MYRFL: variants seen among roughly 807,000 people sequenced by gnomAD.
MYRFL encodes myelin regulatory factor like.
A neutral mutation model predicts 109.4 loss-of-function variants in MYRFL; 88 were observed. The ratio of observed to expected loss-of-function variants is 0.80; its 90% CI spans 0.68 to 0.96. The LOEUF is 0.96. MYRFL is among the 40% of genes least tolerant of loss of function. The pLI, the probability that MYRFL is intolerant of heterozygous loss-of-function variation, is 0.00. For missense variants in MYRFL, 957 were observed against 954.9 expected (o/e 1.00, Z -0.03); for synonymous variants, 324 against 320.9 (o/e 1.01, Z -0.10).
chr12:69,958,225 G>A, intron 23 of MYRFL, 24 bp from the exon 24 acceptor site: 1 of 1,515,304 alleles, frequency 6.6e-7, no homozygotes, highest in Non-Finnish European at 8.8e-7. Context: ...GTACGAAATG[G>A]ATCCTCTTTT....
intron 13 of MYRFL, among the ~76,000 whole-genome samples, chr12:69,913,574 C>T (rs963487777): frequency 1.3e-5 from 2 of 152,118 alleles, no homozygotes; most frequent in African/African-American, 4.8e-5. Flanking sequence ...ATTGAATGGT[C>T]TTGGCATCCT....
rs71098067 is a variant in MYRFL at position 69,936,078 on chromosome 12, G to GTTTTT, written c.1917-10_1917-6dup. 260 of 893,922 alleles carry GTTTTT rather than the reference G, an allele frequency of 2.9e-4. 20 individuals carry two copies. Among genetic ancestry groups the GTTTTT allele is most frequent in the East Asian group, 1.1e-3 (19 of 16,620 alleles). 55.4% of individuals were successfully genotyped at this position (893,922 alleles called of 1,614,324 possible). Reference sequence around the variant, plus strand: ...TCTGGAAACAAATCTGCCACATAATGTTTTTTTTTTTTTTTTTTTTTTTTT... The same window carrying GTTTTT: ...TCTGGAAACAAATCTGCCACATAATGTTTTTTTTTTTTTTTTTTTTTTTTTTTTTT... On this transcript the variant is annotated intron_variant, in intron 16 of 24. Coordinates refer to ENST00000552032, the MANE Select transcript of MYRFL (RefSeq NM_182530.3).
At chr12:69,853,930 C>G (rs967125321) in intron 1 of MYRFL, among the ~76,000 whole-genome samples, 10 of 152,154 alleles carry the variant, frequency 6.6e-5, no homozygotes, top group African/African-American at 1.9e-4. Flanking sequence ...ATGCTCCTCA[C>G]TTCCCAGACG....
At chr12:69,838,603 G>T (rs1413595062) in intron 1 of MYRFL, among the ~76,000 whole-genome samples, 1 of 151,966 alleles carries the variant, frequency 6.6e-6, no homozygotes, top group Admixed American at 6.6e-5. Flanking sequence ...ATTTCTTTTT[G>T]GTTGTTTTAT....
Position 69,871,899 on chromosome 12 carries a change from T to G in MYRFL, c.138-7129T>G, listed in dbSNP as rs111893159. Among the ~76,000 whole-genome samples the G allele has an allele frequency of 9.1e-3, 1,379 of 152,330 alleles. 22 individuals are homozygous for G. The highest frequency in any genetic ancestry group is 0.031 in the South Asian group (149 of 4,824). ...TCAATTCTTTTCCTCGTCAATAAACTCCTCAATCCATGTATGTCTTTAGTG... is the reference window on the plus strand; with the variant it reads ...TCAATTCTTTTCCTCGTCAATAAACGCCTCAATCCATGTATGTCTTTAGTG... On this transcript the variant is annotated intron_variant, in intron 2 of 24. Transcript: ENST00000552032.
At chr12:69,903,605 C>T in intron 10 of MYRFL, 39 bp from the exon 11 acceptor site, 1 of 1,524,826 alleles carries the variant, frequency 6.6e-7, no homozygotes, top group South Asian at 1.2e-5. Context: ...ATTCCTGCTA[C>T]TGTTACTTTA....
intron 10 of MYRFL, among the ~76,000 whole-genome samples, chr12:69,901,828 A>T (rs1341463442): frequency 6.6e-6 from 1 of 151,588 alleles, no homozygotes. Context: ...TTTTTACTTT[A>T]TACTCTTCCC....
intron 10 of MYRFL, among the ~76,000 whole-genome samples, chr12:69,903,356 A>G (rs1217519099): frequency 1.3e-5 from 2 of 152,158 alleles, no homozygotes; most frequent in Non-Finnish European, 2.9e-5. Context: ...TCATCCACCT[A>G]GTATAACTGA....
chr12:69,895,707 G>T (rs1592777176), intron 9 of MYRFL, among the ~76,000 whole-genome samples: 1 of 152,032 alleles, frequency 6.6e-6, no homozygotes, highest in East Asian at 1.9e-4. Flanking sequence ...TTCCTGCCCT[G>T]CCCTGTCTCT....
chr12:69,835,608 G>A (rs144675058), intron 1 of MYRFL, among the ~76,000 whole-genome samples: 6 of 152,160 alleles, frequency 3.9e-5, no homozygotes, highest in African/African-American at 4.8e-5. Context: ...AGTGGATTCC[G>A]TAGATGGAAA....
intron 1 of MYRFL, among the ~76,000 whole-genome samples, chr12:69,826,831 AT>A (rs1469625096): frequency 6.6e-6 from 1 of 152,098 alleles, no homozygotes; most frequent in East Asian, 1.9e-4. Flanking sequence ...CTAATTGTCA[AT>A]TTTTTCTTAC....
intron 2 of MYRFL, among the ~76,000 whole-genome samples, chr12:69,864,713 T>G (rs1884912465): frequency 6.6e-6 from 1 of 151,062 alleles, no homozygotes; most frequent in South Asian, 2.1e-4. Flanking sequence ...GCCAAATGTC[T>G]GAGCCCACAC....
At chr12:69,914,835 G>C (rs1248283904) in intron 13 of MYRFL, among the ~76,000 whole-genome samples, 1 of 152,178 alleles carries the variant, frequency 6.6e-6, no homozygotes, top group Non-Finnish European at 1.5e-5. Flanking sequence ...CAGGAGTCCA[G>C]GAGGGAAATG....
intron 2 of MYRFL, among the ~76,000 whole-genome samples, chr12:69,860,420 T>C (rs533236432): frequency 1.6e-4 from 24 of 152,324 alleles, no homozygotes; most frequent in African/African-American, 5.8e-4. Flanking sequence ...GATTAGTGTT[T>C]TTGTTATATA....
chr12:69,829,447 G>A (rs1882484454), intron 1 of MYRFL, among the ~76,000 whole-genome samples: 1 of 152,112 alleles, frequency 6.6e-6, no homozygotes, highest in South Asian at 2.1e-4. Context: ...ATTCAGGTGG[G>A]ATTAATCTAG....
At chr12:69,903,601 G>A (rs1445548457) in intron 10 of MYRFL, 43 bp from the exon 11 acceptor site, 2 of 1,521,250 alleles carry the variant, frequency 1.3e-6, no homozygotes, top group Admixed American at 3.9e-5. Context: ...ATCTATTCCT[G>A]CTACTGTTAC....
chr12:69,877,029 T>TCTTTTC (rs1565988324), intron 2 of MYRFL, among the ~76,000 whole-genome samples: 1 of 117,580 alleles, frequency 8.5e-6, no homozygotes, highest in Non-Finnish European at 1.9e-5. Context: ...CTTTCTTTTT[T>TCTTTTC]TTTTTTTTTT....
intron 13 of MYRFL, 73 bp downstream of exon 13, chr12:69,911,003 T>C (rs2120391226): frequency 1.9e-6 from 2 of 1,031,008 alleles, no homozygotes; most frequent in East Asian, 5.6e-5. Flanking sequence ...GATAGCACAA[T>C]GGGCTGAAAC....
rs537681590 is a variant in MYRFL, at chr12:69,879,063, C to T, written c.173C>T (p.Ala58Val). 2 of 703,008 alleles carry T rather than the reference C, an allele frequency of 2.8e-6. No individual in the cohort carries two copies. Among genetic ancestry groups the T allele is most frequent in the Non-Finnish European group, 5.2e-6 (2 of 384,844 alleles). The allele number at this position is 703,008 out of a possible 1,614,324, so 43.5% of individuals were successfully genotyped here. Residue 58 changes from alanine to valine, a missense_variant, in exon 3 of 25, where the codon GCA becomes GTA. Transcript: ENST00000552032. ...RQLPDTPPYS[A>V]SDSCSPPQVK... ...CTCCCAGACACCCCGCCCTATTCTGCATCCGACTCATGCTCTCCTCCGCAG... is the reference window on the plus strand; with the variant it reads ...CTCCCAGACACCCCGCCCTATTCTGTATCCGACTCATGCTCTCCTCCGCAG...
Sources: allele counts gnomAD v4.1 joint callset (sites outside exome capture counted in the v4.1 genomes callset), GRCh38; gene constraint gnomAD v4.1.1; transcripts MANE v1.5; gene names NCBI Gene and HGNC (gene_info 2026-07-23, HGNC 2026-07-21).